The following PDLIM5 variants were observed in gnomAD, a reference collection of about 807,000 sequenced individuals.
The protein encoded by PDLIM5 is PDZ and LIM domain 5.
Under a neutral mutation model 64.2 loss-of-function variants are expected in PDLIM5, and 34 were observed. The ratio of observed to expected loss-of-function variants is 0.53; its 90% CI spans 0.40 to 0.71. The LOEUF (loss-of-function observed/expected upper bound fraction) is 0.71. Ranked by LOEUF, PDLIM5 falls within the 30% of genes least tolerant of loss-of-function variation. PDLIM5 has a pLI of 0.00. For synonymous variants in PDLIM5, 253 were observed against 269.1 expected (o/e 0.94, Z 0.59); for missense variants, 683 against 733.6 (o/e 0.93, Z 0.80).
intron 3 of PDLIM5, among the ~76,000 whole-genome samples, chr4:94,569,154 A>C (rs776438550): frequency 2.6e-5 from 4 of 152,194 alleles, no homozygotes; most frequent in Non-Finnish European, 5.9e-5. Flanking sequence ...AGGAGTTAGA[A>C]GAGAGGGTGA....
chr4:94,569,694 A>G (rs1486783892), intron 3 of PDLIM5, among the ~76,000 whole-genome samples: 1 of 152,206 alleles, frequency 6.6e-6, no homozygotes, highest in Admixed American at 6.5e-5. Flanking sequence ...TGAGATTATT[A>G]TAAATGAAAA....
At chr4:94,659,494 ATGTG>A (rs1163008328) in intron 11 of PDLIM5, among the ~76,000 whole-genome samples, 1,198 of 108,936 alleles carry the variant, frequency 0.011, 3 homozygotes, top group Middle Eastern at 0.025. Context: ...ATATGTGTGT[ATGTG>A]TGTGTGTGTG....
rs144181232 is a variant in PDLIM5, at chr4:94,611,172, A to G, written c.921-6832A>G. The G allele has an allele frequency of 1.6e-4, 240 of 1,535,404 alleles. 1 individual carries two copies. In the East Asian group the frequency reaches 3.1e-3, roughly 20 times the overall value. ...CTATCTGCAGTCCTCAAGGAAATCA[A>G]CTGGCTCTATCCATGTTAAGAAAAC... On this transcript the variant is annotated intron_variant, in intron 7 of 12. Transcript: ENST00000317968.
chr4:94,481,899 G>A (rs1451831030), intron 2 of PDLIM5, among the ~76,000 whole-genome samples: 1 of 152,100 alleles, frequency 6.6e-6, no homozygotes, highest in African/African-American at 2.4e-5. Flanking sequence ...GTGAGCCACC[G>A]TGGCCCATTA....
At chr4:94,554,813 C>T (rs1307528555) in intron 3 of PDLIM5, among the ~76,000 whole-genome samples, 2 of 152,154 alleles carry the variant, frequency 1.3e-5, no homozygotes, top group Non-Finnish European at 2.9e-5. Flanking sequence ...ATATCTGTAT[C>T]TGTGTATACC....
At chr4:94,498,157 T>C (rs1430814030) in intron 2 of PDLIM5, among the ~76,000 whole-genome samples, 2 of 152,256 alleles carry the variant, frequency 1.3e-5, no homozygotes, top group Non-Finnish European at 2.9e-5. Context: ...CGGGCTCATT[T>C]GTATTGTACT....
chr4:94,615,735 C>G lies in PDLIM5; in HGVS notation c.921-2269C>G, dbSNP rs77124618. The stretch of plus-strand genomic sequence containing the variant: ...TTAAGTGGCTTCTGGTGACAGGGCT[C>G]TCACAGAAAGCCTCATTAGGAACAG... On this transcript the variant is annotated intron_variant, in intron 7 of 12. Coordinates refer to ENST00000317968, the MANE Select transcript of PDLIM5 (RefSeq NM_006457.5). Among the ~76,000 whole-genome samples, 829 of 152,272 alleles carry G rather than the reference C, an allele frequency of 5.4e-3. 21 individuals carry two copies. The highest frequency in any genetic ancestry group is 0.041 in the Admixed American group (631 of 15,288).
At chr4:94,565,135 T>G (rs1028149239) in intron 3 of PDLIM5, among the ~76,000 whole-genome samples, 2 of 152,202 alleles carry the variant, frequency 1.3e-5, no homozygotes, top group African/African-American at 4.8e-5. Flanking sequence ...AATTACCAGT[T>G]GGGAATGATA....
chr4:94,470,475 G>A (rs1724769719), intron 2 of PDLIM5, among the ~76,000 whole-genome samples: 1 of 152,152 alleles, frequency 6.6e-6, no homozygotes, highest in Non-Finnish European at 1.5e-5. Context: ...GGTCAGATCT[G>A]TTGAGCTGAA....
chr4:94,608,184 CTCTT>C (rs1738079781), intron 7 of PDLIM5: 3 of 1,522,240 alleles, frequency 2.0e-6, no homozygotes, highest in Non-Finnish European at 2.6e-6. Flanking sequence ...TCTAGGTAGA[CTCTT>C]CCTTCTTGGT....
At chr4:94,531,534 A>G (rs1160325595) in intron 3 of PDLIM5, among the ~76,000 whole-genome samples, 1 of 152,162 alleles carries the variant, frequency 6.6e-6, no homozygotes, top group Non-Finnish European at 1.5e-5. Context: ...AAGTAGTCAC[A>G]AAAAAACCTC....
chr4:94,615,439 CTAT>C (rs141501897), intron 7 of PDLIM5, among the ~76,000 whole-genome samples: 9,646 of 151,686 alleles, frequency 0.064, 1,042 homozygotes, highest in African/African-American at 0.22. Context: ...ATATTTACTT[CTAT>C]TATTATTAAT....
chr4:94,542,029 C>T (rs752109480), intron 3 of PDLIM5, among the ~76,000 whole-genome samples: 7 of 151,996 alleles, frequency 4.6e-5, no homozygotes, highest in African/African-American at 1.5e-4. Context: ...GTAAGAGGCC[C>T]GGCTGGGCAT....
chr4:94,490,671 A>T (rs1726790950), intron 2 of PDLIM5, among the ~76,000 whole-genome samples: 1 of 152,172 alleles, frequency 6.6e-6, no homozygotes. Flanking sequence ...GTTAAATGAT[A>T]GCAGAAGCCA....
intron 7 of PDLIM5, among the ~76,000 whole-genome samples, chr4:94,602,054 G>T (rs1314886845): frequency 6.6e-6 from 1 of 152,134 alleles, no homozygotes. Context: ...TTTCTGCTTA[G>T]CAATATTATT....
At chr4:94,522,289 T>C (rs925068100) in intron 2 of PDLIM5, among the ~76,000 whole-genome samples, 5 of 152,234 alleles carry the variant, frequency 3.3e-5, no homozygotes, top group Admixed American at 1.3e-4. Context: ...AGAACTGTTT[T>C]CTTTAAATGT....
At chr4:94,515,591 G>A (rs370714316) in intron 2 of PDLIM5, among the ~76,000 whole-genome samples, 9 of 152,084 alleles carry the variant, frequency 5.9e-5, no homozygotes, top group Non-Finnish European at 7.4e-5. Context: ...TCATTAAATC[G>A]TAAGTTCCTA....
At position 94,528,149 on chromosome 4, in the gene PDLIM5, T is replaced by A. The variant is rs575217446; in HGVS notation, c.248+4274T>A. On this transcript the variant is annotated intron_variant, in intron 3 of 12. Coordinates refer to ENST00000317968, the MANE Select transcript of PDLIM5 (RefSeq NM_006457.5). ...GTTTCTCACCATCCTTCTCTTGCCT[T>A]TATGCCCTCTCATGAAATTCATTTC... Among the ~76,000 whole-genome samples the A allele has an allele frequency of 9.8e-5, 15 of 152,292 alleles. No homozygotes were observed. The East Asian group carries it at 2.9e-3, about 29-fold the overall frequency.
chr4:94,477,844 T>G (rs1177862327), intron 2 of PDLIM5, among the ~76,000 whole-genome samples: 1 of 152,106 alleles, frequency 6.6e-6, no homozygotes, highest in Non-Finnish European at 1.5e-5. Context: ...CTCAGACTAC[T>G]CCACATGAAG....
Sources: allele counts gnomAD v4.1 joint callset (sites outside exome capture counted in the v4.1 genomes callset), GRCh38; gene constraint gnomAD v4.1.1; transcripts MANE v1.5; gene names NCBI Gene and HGNC (gene_info 2026-07-23, HGNC 2026-07-21).